Variants in POLR3E observed in about 807,000 individuals in gnomAD.
POLR3E encodes the protein DNA-directed RNA polymerase III subunit RPC5.
POLR3E carries 41 observed loss-of-function variants against 96.6 expected under a neutral mutation model. The ratio of observed to expected loss-of-function variants is 0.42; its 90% confidence interval spans 0.33 to 0.55. The LOEUF is 0.55. Ranked by LOEUF, POLR3E falls within the 20% of genes least tolerant of loss-of-function variation. The probability of loss-of-function intolerance (pLI) is 0.06; values close to 1 mark genes in which losing one functional copy is unlikely to be tolerated. For missense variants in POLR3E, 849 were observed against 952.1 expected (o/e 0.89, Z 1.43); for synonymous variants, 396 against 383.6 (o/e 1.03, Z -0.38).
At chr16:22,332,233 G>T (rs1414552880) in intron 20 of POLR3E, 48 bp downstream of exon 20, 1 of 1,575,560 alleles carries the variant, frequency 6.3e-7, no homozygotes, top group Non-Finnish European at 8.7e-7. Context: ...CTCTGGAAGG[G>T]GCTGACAGTG....
chr16:22,305,087 G>A (rs2048106482), intron 2 of POLR3E, 69 bp from the exon 3 acceptor site: 22 of 1,226,850 alleles, frequency 1.8e-5, no homozygotes, highest in Non-Finnish European at 2.1e-5. Flanking sequence ...AGCTGGAAGC[G>A]CTGGCATAGC....
chr16:22,308,204 G>A lies in POLR3E; in HGVS notation c.144G>A (p.Lys48=), dbSNP rs776772684. 3.7e-6 allele frequency: 6 copies of A among 1,613,716 alleles called. No homozygotes were observed. The South Asian group carries it at 6.6e-5, about 18-fold the overall frequency. The change falls in exon 4 of 21, where the codon AAG becomes AAA. Residue 48 remains lysine (K), a synonymous_variant. Transcript: ENST00000299853. ...ATGACATTCCGCACCTCTCAGCCAA[G>A]ATCAAGCCCAAGCAGCAGAAGGTGG... is the stretch of plus-strand genomic sequence containing the variant. ...TYDDIPHLSA[K]IKPKQQKVEL...
intron 4 of POLR3E, chr16:22,308,518 G>T (rs1598243664): frequency 2.0e-6 from 1 of 493,568 alleles, no homozygotes; most frequent in Non-Finnish European, 3.7e-6. Context: ...GATGGGAAGA[G>T]AATCTAGCGC....
intron 6 of POLR3E, among the ~76,000 whole-genome samples, chr16:22,312,004 G>A (rs796609809): frequency 8.5e-5 from 13 of 152,264 alleles, no homozygotes; most frequent in African/African-American, 2.4e-4. Context: ...TTCTCAGAAC[G>A]TATCCCTATT....
chr16:22,308,862 G>T lies in POLR3E; in HGVS notation c.166-63G>T, dbSNP rs370729223. 3.6e-6 allele frequency: 4 copies of T among 1,100,722 alleles called. No homozygotes were observed. In the South Asian group the frequency reaches 4.0e-5, roughly 11 times the overall value. 68.2% of individuals were successfully genotyped at this position (1,100,722 alleles called of 1,614,324 possible). On this transcript the variant is annotated intron_variant, in intron 4 of 20. Coordinates refer to ENST00000299853, the MANE Select transcript of POLR3E (RefSeq NM_018119.4). ...AGGAGGTGGCCATGGTGGGGTTGGG[G>T]TGTCCCTTGAGGAGCCATGCCTTGG... is the stretch of plus-strand genomic sequence containing the variant.
At position 22,318,092 on chromosome 16, in the gene POLR3E, A is replaced by G. The variant is rs1206551032; in HGVS notation, c.866-734A>G. On this transcript the variant is annotated intron_variant, in intron 12 of 20. Coordinates refer to ENST00000299853, the MANE Select transcript of POLR3E (RefSeq NM_018119.4). The surrounding 1 kb of genome is among the most constrained non-coding windows in gnomAD (Gnocchi z 5.0). ...ATTTTAGGCTTCCTTCCTGCAGAGG[A>G]CTTCGAACTTTTTTTTTTTTTGAGA... Among the ~76,000 whole-genome samples the G allele has an allele frequency of 2.7e-5, 4 of 148,084 alleles. No homozygotes were observed. Among genetic ancestry groups the G allele is most frequent in the African/African-American group, 1.0e-4 (4 of 38,850 alleles).
intron 6 of POLR3E, among the ~76,000 whole-genome samples, chr16:22,312,546 G>A (rs759251561): frequency 6.6e-6 from 1 of 151,658 alleles, no homozygotes; most frequent in Non-Finnish European, 1.5e-5. Context: ...TATATGGTAC[G>A]TGAGTCTTGT....
At chr16:22,316,538 G>A in intron 9 of POLR3E, 63 bp from the exon 10 acceptor site, 2 of 1,316,722 alleles carry the variant, frequency 1.5e-6, no homozygotes, top group Non-Finnish European at 2.2e-6. Flanking sequence ...AGGCCTTGGG[G>A]GAGGGGGCCC....
At position 22,316,961 on chromosome 16, in the gene POLR3E, G is replaced by A. The variant is rs772888712; in HGVS notation, c.729-34G>A. ...GGTGAGGAGGGTCCAGCCTGGATCA[G>A]CCCTGAGCCTCTGCCCCTGCCATGT... On this transcript the variant is annotated intron_variant, in intron 10 of 20. Transcript: ENST00000299853. 1.9e-6 allele frequency: 3 copies of A among 1,612,120 alleles called. No homozygotes were observed. In the South Asian group the frequency reaches 3.3e-5, roughly 18 times the overall value.
At chr16:22,298,467 G>A (rs934849060) in intron 1 of POLR3E, among the ~76,000 whole-genome samples, 3 of 152,166 alleles carry the variant, frequency 2.0e-5, no homozygotes, top group Non-Finnish European at 4.4e-5. Context: ...CTGGAGGTCG[G>A]TACTTAGTTT....
intron 6 of POLR3E, among the ~76,000 whole-genome samples, chr16:22,310,611 T>C (rs1213061574): frequency 1.3e-5 from 1 of 79,410 alleles, no homozygotes; most frequent in Non-Finnish European, 2.4e-5. Context: ...TAGTAGAAAG[T>C]TTAAAAAGTT....
intron 2 of POLR3E, 59 bp from the exon 3 acceptor site, chr16:22,305,097 C>A: frequency 7.3e-7 from 1 of 1,362,258 alleles, no homozygotes; most frequent in Non-Finnish European, 1.1e-6. Flanking sequence ...GCTGGCATAG[C>A]CCGGGGAGGT....
At chr16:22,314,692 C>T (rs1031639735) in intron 8 of POLR3E, among the ~76,000 whole-genome samples, 6 of 152,114 alleles carry the variant, frequency 3.9e-5, no homozygotes, top group Non-Finnish European at 7.4e-5. Flanking sequence ...CCGGGGAACA[C>T]GGGCGTAATG....
At position 22,333,843 on chromosome 16, in the gene POLR3E, G is replaced by A; in HGVS notation, c.*143G>A. 1 of 615,952 alleles carries A rather than the reference G, an allele frequency of 1.6e-6. No homozygotes were observed. The highest frequency in any genetic ancestry group is 3.0e-6 in the Non-Finnish European group (1 of 335,812). 38.2% of individuals were successfully genotyped at this position (615,952 alleles called of 1,614,324 possible). Reference sequence around the variant, plus strand: ...ACCTGTGGCATTGCACGGTGCAGTGGACAGAAGGGATTATCCTCAGCCAGT... The same window carrying A: ...ACCTGTGGCATTGCACGGTGCAGTGAACAGAAGGGATTATCCTCAGCCAGT... On this transcript the variant is annotated 3_prime_UTR_variant, in exon 21 of 21. Transcript: ENST00000299853.
chr16:22,318,031 T>C lies in POLR3E; in HGVS notation c.866-795T>C, dbSNP rs2048395525. On this transcript the variant is annotated intron_variant, in intron 12 of 20. Transcript: ENST00000299853. This position sits in a 1 kb window ranked among gnomAD's most constrained non-coding sequence, Gnocchi z 5.0. ...AGATGCCACCATGAGCTCTTAGGAG[T>C]CTAAGGAGAGAGGGGAGCTCCATGA... Among the ~76,000 whole-genome samples the C allele has an allele frequency of 6.6e-6, 1 of 151,570 alleles. No individual in the cohort carries two copies. Among genetic ancestry groups the C allele is most frequent in the South Asian group, 2.1e-4 (1 of 4,794 alleles).
In POLR3E at chr16:22,317,221, C is replaced by A. The variant is rs1175798467; in HGVS notation, c.865+15C>A. 8 of 1,600,394 alleles carry A rather than the reference C, an allele frequency of 5.0e-6. No individual in the cohort carries two copies. Among genetic ancestry groups the A allele is most frequent in the Non-Finnish European group, 6.8e-6 (8 of 1,171,692 alleles). On this transcript the variant is annotated intron_variant, in intron 12 of 20. Coordinates refer to ENST00000299853, the MANE Select transcript of POLR3E (RefSeq NM_018119.4). ...GATGAAGAATGGTGGGTGCCTACCC[C>A]CTGCCCACCCGGGGGCCCCAGTCCC...
intron 13 of POLR3E, among the ~76,000 whole-genome samples, chr16:22,319,194 G>A (rs745602424): frequency 2.6e-5 from 4 of 151,346 alleles, no homozygotes; most frequent in African/African-American, 4.9e-5. Flanking sequence ...GGCTGGTCTC[G>A]AATCCTGACC....
chr16:22,301,219 C>T (rs1335294706), intron 1 of POLR3E, among the ~76,000 whole-genome samples: 1 of 151,986 alleles, frequency 6.6e-6, no homozygotes, highest in African/African-American at 2.4e-5. Flanking sequence ...GGGTAGGAGG[C>T]TTGTGGGAGA....
intron 1 of POLR3E, among the ~76,000 whole-genome samples, chr16:22,298,448 C>T (rs57744657): frequency 0.017 from 2,597 of 152,278 alleles, 91 homozygotes; most frequent in African/African-American, 0.059. Flanking sequence ...ACTCCTTCCC[C>T]GCAGGGGTCT....
Sources: gnomAD v4.1 joint callset for allele counts (sites outside exome capture counted in the v4.1 genomes callset) on GRCh38, gnomAD v4.1.1 for gene constraint, Gnocchi (gnomAD v3.1) non-coding constraint, MANE v1.5 for transcripts, NCBI Gene and HGNC (gene_info 2026-07-23, HGNC 2026-07-21) for gene names.